Variants in GRIN2A observed in about 807,000 individuals in gnomAD.
The protein encoded by GRIN2A is glutamate receptor ionotropic, NMDA 2A.
In GRIN2A, 22 loss-of-function variants were observed where a neutral mutation model predicts 113.4. The observed-to-expected ratio is 0.19, with a 90% CI of 0.14 to 0.28. GRIN2A has a LOEUF of 0.28. Among genes scored for constraint, GRIN2A ranks in the 10% least tolerant of loss-of-function variants. The pLI is 1.00. For missense variants in GRIN2A, 1,502 were observed against 1,887.0 expected, an observed-to-expected ratio of 0.80 and a Z score of 3.78; for synonymous variants, 827 against 738.4, an observed-to-expected ratio of 1.12 and a Z score of -1.94.
intron 2 of GRIN2A, among the ~76,000 whole-genome samples, chr16:10,132,744 A>G (rs2049093281): frequency 6.6e-6 from 1 of 152,200 alleles, no homozygotes; most frequent in African/African-American, 2.4e-5. Context: ...AAGCAAAATA[A>G]TACGTCTAAG....
chr16:9,979,174 C>T (rs1205386344), intron 2 of GRIN2A, among the ~76,000 whole-genome samples: 2 of 152,144 alleles, frequency 1.3e-5, no homozygotes, highest in African/African-American at 4.8e-5. Flanking sequence ...GATCTGGAGT[C>T]TGGTGAAGAA....
chr16:10,095,198 C>G (rs144711035), intron 2 of GRIN2A, among the ~76,000 whole-genome samples: 3 of 152,128 alleles, frequency 2.0e-5, no homozygotes, highest in African/African-American at 7.2e-5. Context: ...AACCCAACCA[C>G]GCCAGCTCCC....
intron 2 of GRIN2A, among the ~76,000 whole-genome samples, chr16:9,947,111 T>A (rs576425117): frequency 2.0e-4 from 31 of 152,174 alleles, no homozygotes; most frequent in Non-Finnish European, 4.1e-4. Flanking sequence ...GGGTAGTGCA[T>A]CTCTCTTCAT....
At chr16:9,780,235 A>G (rs1901862308) in intron 11 of GRIN2A, among the ~76,000 whole-genome samples, 1 of 152,248 alleles carries the variant, frequency 6.6e-6, no homozygotes, top group Non-Finnish European at 1.5e-5. Flanking sequence ...GACGCGCTCT[A>G]TTACCCAGCA....
intron 11 of GRIN2A, among the ~76,000 whole-genome samples, chr16:9,779,658 A>C (rs2141178875): frequency 6.6e-6 from 1 of 152,140 alleles, no homozygotes. Flanking sequence ...CAGAAGGAAG[A>C]CCCTGTTTTT....
chr16:9,832,168 C>G (rs2042508924), intron 8 of GRIN2A, among the ~76,000 whole-genome samples: 1 of 151,490 alleles, frequency 6.6e-6, no homozygotes, highest in Non-Finnish European at 1.5e-5. Context: ...GTTACCCAGG[C>G]TGGTCTCAAA....
intron 2 of GRIN2A, among the ~76,000 whole-genome samples, chr16:10,119,683 G>T (rs945352321): frequency 6.6e-6 from 1 of 152,156 alleles, no homozygotes; most frequent in East Asian, 1.9e-4. Flanking sequence ...TGTCACACAG[G>T]TAATATGCAC....
rs1282411841 is a variant in GRIN2A at position 9,798,374 on chromosome 16, C to T, written c.2259G>A (p.Gly753=). The change falls in exon 11 of 13, where the codon GGG becomes GGA. Residue 753 remains glycine, a synonymous_variant. Coordinates refer to ENST00000330684, the MANE Select transcript of GRIN2A (RefSeq NM_001134407.3). ...CATAACCGGTGGTGGCAAAGATGTA[C>T]CCACTCCCGATGGTCACCAGCTTGC... ...EGCKLVTIGS[G]YIFATTGYGI... is the part of the protein sequence containing the mutation. 1.9e-6 allele frequency: 3 copies of T among 1,613,662 alleles called. No homozygotes were observed. The highest frequency in any genetic ancestry group is 1.7e-6 in the Non-Finnish European group (2 of 1,179,728).
At chr16:10,111,869 T>A in intron 2 of GRIN2A, 1 of 981,434 alleles carries the variant, frequency 1.0e-6, no homozygotes, top group Non-Finnish European at 1.6e-6. Context: ...TCCCGAGACA[T>A]CAACTTTCTT....
At chr16:9,928,031 T>C (rs1308286962) in intron 3 of GRIN2A, among the ~76,000 whole-genome samples, 2 of 152,190 alleles carry the variant, frequency 1.3e-5, no homozygotes, top group South Asian at 2.1e-4. Context: ...TTTACCCAAC[T>C]TTGAGGCCCA....
chr16:9,794,311 A>G lies in GRIN2A; in HGVS notation c.2356+3966T>C, dbSNP rs116151372. ...ACACAGCTCATTAGGAAAATTTTTTATACTTTTGACACTCATTAGACTCAT... is the reference window on the plus strand; with the variant it reads ...ACACAGCTCATTAGGAAAATTTTTTGTACTTTTGACACTCATTAGACTCAT... On this transcript the variant is annotated intron_variant, in intron 11 of 12. Coordinates refer to ENST00000330684, the MANE Select transcript of GRIN2A (RefSeq NM_001134407.3). Among the ~76,000 whole-genome samples the G allele has an allele frequency of 2.6e-3, 403 of 152,296 alleles. 5 individuals are homozygous for G. Among genetic ancestry groups the G allele is most frequent in the African/African-American group, 9.4e-3 (391 of 41,568 alleles).
At chr16:9,970,693 C>A (rs549067410) in intron 2 of GRIN2A, 17 of 772,594 alleles carry the variant, frequency 2.2e-5, no homozygotes, top group Admixed American at 6.2e-5. Flanking sequence ...GAGCTAGACA[C>A]AAAGTTAGGT....
At chr16:10,013,345 G>C (rs879380628) in intron 2 of GRIN2A, among the ~76,000 whole-genome samples, 1 of 152,120 alleles carries the variant, frequency 6.6e-6, no homozygotes, top group South Asian at 2.1e-4. Context: ...TGGCCATCCA[G>C]CCTTAAGCAT....
At chr16:10,007,885 T>C (rs1246363558) in intron 2 of GRIN2A, among the ~76,000 whole-genome samples, 2 of 152,190 alleles carry the variant, frequency 1.3e-5, no homozygotes, top group East Asian at 3.8e-4. Context: ...TGGAAGGTCC[T>C]AAGCAGGAAG....
At chr16:9,884,973 G>A (rs939245471) in intron 4 of GRIN2A, among the ~76,000 whole-genome samples, 4 of 151,594 alleles carry the variant, frequency 2.6e-5, no homozygotes, top group East Asian at 1.9e-4. Context: ...TCCTGACCTC[G>A]TGATCCACCC....
At chr16:10,001,395 C>T (rs1237159347) in intron 2 of GRIN2A, among the ~76,000 whole-genome samples, 1 of 152,160 alleles carries the variant, frequency 6.6e-6, no homozygotes, top group African/African-American at 2.4e-5. Flanking sequence ...GATACATAAG[C>T]TTCTGTGACT....
rs531272831 is a variant in GRIN2A, at chr16:10,116,275, C to T, written c.414+63723G>A. The stretch of plus-strand genomic sequence containing the variant: ...ATAAGTGAGAGCTGAACAATGAGAA[C>T]ACATGGACACAGGGAGGGGAACACA... On this transcript the variant is annotated intron_variant, in intron 2 of 12. Transcript: ENST00000330684. Among the ~76,000 whole-genome samples the T allele has an allele frequency of 8.5e-4, 129 of 152,238 alleles. 2 individuals are homozygous for T. Among genetic ancestry groups the T allele is most frequent in the African/African-American group, 2.9e-3 (122 of 41,542 alleles).
At chr16:9,801,224 T>C (rs1337954461) in intron 10 of GRIN2A, among the ~76,000 whole-genome samples, 1 of 152,220 alleles carries the variant, frequency 6.6e-6, no homozygotes, top group Non-Finnish European at 1.5e-5. Context: ...GTTGGTCTCT[T>C]GATAAAGCTG....
chr16:9,974,478 G>A (rs1013554333), intron 2 of GRIN2A, among the ~76,000 whole-genome samples: 7 of 152,132 alleles, frequency 4.6e-5, no homozygotes, highest in Non-Finnish European at 8.8e-5. Flanking sequence ...AATCGATCAC[G>A]ACCCTCTCAC....
Sources: gnomAD v4.1 joint callset for allele counts (sites outside exome capture counted in the v4.1 genomes callset) on GRCh38, gnomAD v4.1.1 for gene constraint, MANE v1.5 for transcripts, NCBI Gene and HGNC (gene_info 2026-07-23, HGNC 2026-07-21) for gene names.